The following ATP2B2 variants were observed in gnomAD, a reference collection of about 807,000 sequenced individuals.
ATP2B2 encodes plasma membrane calcium-transporting ATPase 2.
ATP2B2 carries 15 observed loss-of-function variants against 120.0 expected under a neutral mutation model. The observed-to-expected ratio is 0.12, with a 90% CI of 0.08 to 0.19. ATP2B2 has a LOEUF of 0.19. ATP2B2 is among the 10% of genes least tolerant of loss of function. ATP2B2 has a pLI of 1.00. For missense variants in ATP2B2, 1,045 were observed against 1,719.8 expected (o/e 0.61, Z 6.94); for synonymous variants, 694 against 700.3 (o/e 0.99, Z 0.14).
Position 10,346,108 on chromosome 3 carries a change from G to T in ATP2B2, c.2434C>A (p.Arg812=). The part of the protein sequence containing the change: ...GIIDSTHTEQ[R]QVVAVTGDGT... The stretch of plus-strand genomic sequence containing the variant: ...TCCCCCGTCACGGCCACCACCTGCC[G>T]CTGCTCAGTGTGTGTGCTGTCGATG... The change falls in exon 17 of 23, where the codon CGG becomes AGG. Residue 812 remains arginine (R), a synonymous_variant. Transcript: ENST00000360273. The surrounding 1 kb of genome is among the most constrained non-coding windows in gnomAD (Gnocchi z 4.1). The T allele has an allele frequency of 6.2e-7, 1 of 1,611,738 alleles. No individual in the cohort carries two copies. The highest frequency in any genetic ancestry group is 1.6e-4 in the Middle Eastern group (1 of 6,062).
At chr3:10,707,457 C>T (rs542828841) in intron 1 of ATP2B2, among the ~76,000 whole-genome samples, 1 of 152,310 alleles carries the variant, frequency 6.6e-6, no homozygotes, top group Admixed American at 6.5e-5. Flanking sequence ...CAGCTCTCAA[C>T]CTGTCCCGAG....
intron 2 of ATP2B2, among the ~76,000 whole-genome samples, chr3:10,439,465 C>T (rs556606208): frequency 5.9e-5 from 9 of 152,246 alleles, no homozygotes; most frequent in East Asian, 1.9e-4. Context: ...AGACCAACTT[C>T]GCCTAAGACC....
intron 2 of ATP2B2, among the ~76,000 whole-genome samples, chr3:10,444,245 G>A (rs764953823): frequency 6.6e-6 from 1 of 152,182 alleles, no homozygotes; most frequent in Non-Finnish European, 1.5e-5. Flanking sequence ...CCAGGCTTCC[G>A]CCGAGTCTGT....
chr3:10,598,891 G>C (rs1038062782), intron 2 of ATP2B2, among the ~76,000 whole-genome samples: 1 of 152,218 alleles, frequency 6.6e-6, no homozygotes, highest in African/African-American at 2.4e-5. Context: ...CACAGATGTG[G>C]CACCTGTTCT....
chr3:10,352,631 CCACG>C (rs1385869583), intron 14 of ATP2B2, among the ~76,000 whole-genome samples: 1 of 152,198 alleles, frequency 6.6e-6, no homozygotes, highest in East Asian at 1.9e-4. Flanking sequence ...GGTTTGGGGG[CCACG>C]TGAGCAAGGC....
At chr3:10,623,613 G>A (rs1367403496) in intron 1 of ATP2B2, among the ~76,000 whole-genome samples, 1 of 152,296 alleles carries the variant, frequency 6.6e-6, no homozygotes, top group Non-Finnish European at 1.5e-5. Context: ...AATCTCCTTG[G>A]GCGGAAGGCC....
At chr3:10,389,270 G>A (rs535132563) in intron 5 of ATP2B2, among the ~76,000 whole-genome samples, 10 of 152,348 alleles carry the variant, frequency 6.6e-5, no homozygotes, top group African/African-American at 2.4e-4. Context: ...TGTTTCATGA[G>A]AGAGCCTTGT....
chr3:10,614,733 G>A (rs2069336965), intron 2 of ATP2B2, among the ~76,000 whole-genome samples: 1 of 152,148 alleles, frequency 6.6e-6, no homozygotes, highest in Non-Finnish European at 1.5e-5. Context: ...GAGGCAGGAT[G>A]GAAGCAGGCC....
intron 1 of ATP2B2, among the ~76,000 whole-genome samples, chr3:10,648,203 A>G (rs1356460041): frequency 2.0e-5 from 3 of 152,178 alleles, no homozygotes; most frequent in African/African-American, 4.8e-5. Flanking sequence ...ATCCGATGGC[A>G]GTGGTTCTGT....
At chr3:10,547,422 G>T (rs142960056) in intron 2 of ATP2B2, among the ~76,000 whole-genome samples, 1 of 152,114 alleles carries the variant, frequency 6.6e-6, no homozygotes. Flanking sequence ...TTGACCACAC[G>T]CAACAGGGAG....
intron 22 of ATP2B2, chr3:10,335,981 C>T (rs765792620): frequency 1.9e-5 from 19 of 983,670 alleles, no homozygotes; most frequent in East Asian, 5.3e-5. Context: ...TCCTGACCAA[C>T]GGGACCCTCT....
chr3:10,704,657 C>T (rs1412710215), intron 1 of ATP2B2, among the ~76,000 whole-genome samples: 2 of 152,208 alleles, frequency 1.3e-5, no homozygotes, highest in African/African-American at 4.8e-5. Context: ...CAATAGTTAG[C>T]TCCCTTTTTT....
chr3:10,567,455 G>A (rs548130205), intron 2 of ATP2B2, among the ~76,000 whole-genome samples: 1 of 152,160 alleles, frequency 6.6e-6, no homozygotes, highest in African/African-American at 2.4e-5. Context: ...TGCCATATAG[G>A]GGGGTGTGGG....
chr3:10,570,873 G>A (rs186109836), intron 2 of ATP2B2, among the ~76,000 whole-genome samples: 1 of 152,166 alleles, frequency 6.6e-6, no homozygotes, highest in African/African-American at 2.4e-5. Context: ...GCCATGCCCC[G>A]AGAGGCCCAC....
chr3:10,655,087 C>T (rs1035857019), intron 1 of ATP2B2, among the ~76,000 whole-genome samples: 1 of 152,222 alleles, frequency 6.6e-6, no homozygotes, highest in African/African-American at 2.4e-5. Context: ...AATAAAAGCA[C>T]ATATGCCTGG....
At chr3:10,413,448 G>C (rs932993181) in intron 2 of ATP2B2, among the ~76,000 whole-genome samples, 1 of 152,230 alleles carries the variant, frequency 6.6e-6, no homozygotes, top group Non-Finnish European at 1.5e-5. Flanking sequence ...CAGTGAGAAC[G>C]AATGAACCCA....
intron 2 of ATP2B2, among the ~76,000 whole-genome samples, chr3:10,426,530 G>A (rs541455294): frequency 6.6e-6 from 1 of 152,266 alleles, no homozygotes; most frequent in East Asian, 1.9e-4. Flanking sequence ...GGACTCCCGT[G>A]TCCTTGCTGT....
intron 3 of ATP2B2, among the ~76,000 whole-genome samples, chr3:10,403,320 C>T (rs1472495677): frequency 6.6e-6 from 1 of 152,250 alleles, no homozygotes; most frequent in Non-Finnish European, 1.5e-5. Flanking sequence ...GTCTGACTTA[C>T]AGTGACCCTG....
intron 1 of ATP2B2, among the ~76,000 whole-genome samples, chr3:10,478,839 A>T (rs2065296914): frequency 6.6e-6 from 1 of 152,074 alleles, no homozygotes; most frequent in Non-Finnish European, 1.5e-5. Context: ...TCTCATCTTG[A>T]ATTGTAATTC....
Sources: allele counts gnomAD v4.1 joint callset (sites outside exome capture counted in the v4.1 genomes callset), GRCh38; gene constraint gnomAD v4.1.1; non-coding constraint Gnocchi (gnomAD v3.1); transcripts MANE v1.5; gene names NCBI Gene and HGNC (gene_info 2026-07-23, HGNC 2026-07-21).